Variants in DCC observed in about 807,000 individuals in gnomAD.
The protein encoded by DCC is netrin receptor DCC.
A neutral mutation model predicts 172.5 loss-of-function variants in DCC; 58 were observed. That is an observed-to-expected ratio of 0.34 (90% CI 0.27 to 0.42). The LOEUF (loss-of-function observed/expected upper bound fraction) is 0.42, where lower values mean the gene tolerates loss of function less well. DCC is among the 10% of genes least tolerant of loss of function. The pLI is 1.00. For synonymous variants in DCC, 709 were observed against 644.5 expected, an observed-to-expected ratio of 1.10 and a Z score of -1.52; for missense variants, 1,740 against 1,791.0, an observed-to-expected ratio of 0.97 and a Z score of 0.51.
At chr18:52,689,724 G>A (rs1355973296) in intron 1 of DCC, among the ~76,000 whole-genome samples, 2 of 152,136 alleles carry the variant, frequency 1.3e-5, no homozygotes, top group African/African-American at 4.8e-5. Context: ...AGTGAGCATA[G>A]TTGTTAATAT....
intron 27 of DCC, among the ~76,000 whole-genome samples, chr18:53,507,766 A>G (rs2046199280): frequency 6.6e-6 from 1 of 152,118 alleles, no homozygotes; most frequent in African/African-American, 2.4e-5. Context: ...TGCTATTTTT[A>G]ATGTCTTTTT....
chr18:53,172,514 G>T (rs567561440), intron 8 of DCC, among the ~76,000 whole-genome samples: 1 of 152,066 alleles, frequency 6.6e-6, no homozygotes, highest in Non-Finnish European at 1.5e-5. Context: ...CCTGTTCAAA[G>T]GGTTATGGCC....
At chr18:52,649,007 TC>T (rs2035070441) in intron 1 of DCC, among the ~76,000 whole-genome samples, 2 of 152,166 alleles carry the variant, frequency 1.3e-5, no homozygotes, top group South Asian at 4.1e-4. Context: ...CATTTCTATT[TC>T]TACAACAAAT....
At chr18:52,834,064 A>G (rs1393339929) in intron 2 of DCC, among the ~76,000 whole-genome samples, 3 of 152,110 alleles carry the variant, frequency 2.0e-5, no homozygotes, top group Non-Finnish European at 2.9e-5. Flanking sequence ...CAGGTCTCTC[A>G]TCTGTGGCTT....
chr18:52,768,410 A>C (rs1279182884), intron 2 of DCC, among the ~76,000 whole-genome samples: 1 of 152,190 alleles, frequency 6.6e-6, no homozygotes, highest in Non-Finnish European at 1.5e-5. Flanking sequence ...AGATGTGGTC[A>C]ACACAGGTCA....
intron 22 of DCC, among the ~76,000 whole-genome samples, chr18:53,443,928 T>A (rs886985215): frequency 1.3e-5 from 2 of 152,222 alleles, no homozygotes; most frequent in African/African-American, 4.8e-5. Flanking sequence ...AAGAAGTGAC[T>A]GAACTGCTGC....
intron 12 of DCC, among the ~76,000 whole-genome samples, chr18:53,258,730 A>T (rs1309128089): frequency 6.6e-6 from 1 of 152,114 alleles, no homozygotes; most frequent in East Asian, 1.9e-4. Flanking sequence ...TATTAGGTCC[A>T]CTTGGTGCAG....
intron 5 of DCC, among the ~76,000 whole-genome samples, chr18:52,968,676 T>C (rs2040973819): frequency 6.6e-6 from 1 of 152,132 alleles, no homozygotes; most frequent in African/African-American, 2.4e-5. Context: ...TAATGGCCAA[T>C]AAAGGTTGTG....
intron 12 of DCC, among the ~76,000 whole-genome samples, chr18:53,263,244 G>T (rs2056627041): frequency 6.6e-6 from 1 of 152,070 alleles, no homozygotes; most frequent in Non-Finnish European, 1.5e-5. Flanking sequence ...CTCCGCCTCT[G>T]GGGTTCAAGC....
intron 1 of DCC, among the ~76,000 whole-genome samples, chr18:52,637,140 C>T (rs554350074): frequency 6.6e-6 from 1 of 152,204 alleles, no homozygotes; most frequent in Non-Finnish European, 1.5e-5. Context: ...ATCAAAGGAA[C>T]ACCCCATGGG....
intron 15 of DCC, among the ~76,000 whole-genome samples, chr18:53,346,627 A>G (rs180675847): frequency 3.3e-5 from 5 of 152,110 alleles, no homozygotes; most frequent in South Asian, 4.2e-4. Context: ...TAATATTACA[A>G]TCTCCATTTT....
chr18:53,050,302 C>T (rs905145493), intron 5 of DCC, among the ~76,000 whole-genome samples: 2 of 152,092 alleles, frequency 1.3e-5, no homozygotes, highest in Non-Finnish European at 2.9e-5. Context: ...CACCCAGATA[C>T]ACCCGGAAAC....
At chr18:52,726,554 C>T (rs1232754252) in intron 1 of DCC, among the ~76,000 whole-genome samples, 1 of 152,274 alleles carries the variant, frequency 6.6e-6, no homozygotes, top group African/African-American at 2.4e-5. Context: ...CCTTCCTTCT[C>T]TAGTTATTTG....
chr18:52,777,116 T>C lies in DCC; in HGVS notation c.412+24742T>C, dbSNP rs192238495. On this transcript the variant is annotated intron_variant, in intron 2 of 28. Transcript: ENST00000442544. ...TGTTATTTATCTTAAAATTGAGTGT[T>C]TTGGTGCCCCGTTAACTTTTATGTC... Among the ~76,000 whole-genome samples the C allele has an allele frequency of 1.6e-3, 247 of 152,350 alleles. 1 individual carries two copies. Among genetic ancestry groups the C allele is most frequent in the African/African-American group, 5.6e-3 (232 of 41,590 alleles).
At chr18:53,332,301 T>G (rs550838888) in intron 14 of DCC, among the ~76,000 whole-genome samples, 4 of 152,290 alleles carry the variant, frequency 2.6e-5, no homozygotes, top group Admixed American at 1.3e-4. Flanking sequence ...TATGAAATAA[T>G]AAGATTAGGT....
chr18:52,618,206 GA>G (rs533008229), intron 1 of DCC, among the ~76,000 whole-genome samples: 5 of 149,848 alleles, frequency 3.3e-5, no homozygotes, highest in Non-Finnish European at 7.4e-5. Flanking sequence ...CTTTAGAATG[GA>G]AAAAAAAACT....
intron 27 of DCC, 23 bp from the exon 28 acceptor site, chr18:53,526,594 C>A (rs1355455691): frequency 3.1e-6 from 5 of 1,612,278 alleles, no homozygotes; most frequent in Middle Eastern, 1.6e-4. Flanking sequence ...ACATTACTTT[C>A]ATCACTGTGT....
chr18:52,523,820 A>C lies in DCC; in HGVS notation c.91+182942A>C, dbSNP rs984431183. On this transcript the variant is annotated intron_variant, in intron 1 of 28. Coordinates refer to ENST00000442544, the MANE Select transcript of DCC (RefSeq NM_005215.4). ...TTTTTAAAGTTTGTTTATTAATACC[A>C]GCAGGGACTTGGGATTATCATTTAG... 3.9e-5 allele frequency among the ~76,000 whole-genome samples: 6 copies of C among 152,336 alleles called. No homozygotes were observed. In the South Asian group the frequency reaches 1.2e-3, roughly 32 times the overall value.
chr18:53,317,176 GC>G (rs2057353448), intron 13 of DCC, among the ~76,000 whole-genome samples: 1 of 152,102 alleles, frequency 6.6e-6, no homozygotes, highest in Non-Finnish European at 1.5e-5. Flanking sequence ...TTTATCAAAG[GC>G]CTTTTCTGCA....
Sources: gnomAD v4.1 joint callset for allele counts (sites outside exome capture counted in the v4.1 genomes callset) on GRCh38, gnomAD v4.1.1 for gene constraint, MANE v1.5 for transcripts, NCBI Gene and HGNC (gene_info 2026-07-23, HGNC 2026-07-21) for gene names.